Variants in RBFOX1 observed in about 807,000 individuals in gnomAD.
RBFOX1 encodes the protein RNA binding fox-1 homolog 1, also known as RNA binding protein fox-1 homolog 1.
A neutral mutation model predicts 57.7 loss-of-function variants in RBFOX1; 8 were observed. That is an observed-to-expected ratio of 0.14 (90% CI 0.08 to 0.25). The LOEUF (loss-of-function observed/expected upper bound fraction) is 0.25, where lower values mean the gene tolerates loss of function less well. Ranked by LOEUF, RBFOX1 falls within the 10% of genes least tolerant of loss-of-function variation. RBFOX1 has a pLI of 1.00. For missense variants in RBFOX1, 611 were observed against 548.5 expected, an observed-to-expected ratio of 1.11 and a Z score of -1.14; for synonymous variants, 326 against 222.4, an observed-to-expected ratio of 1.47 and a Z score of -4.15.
chr16:5,894,591 A>C (rs2152157580), intron 4 of RBFOX1, among the ~76,000 whole-genome samples: 1 of 152,300 alleles, frequency 6.6e-6, no homozygotes, highest in East Asian at 1.9e-4. Flanking sequence ...AACATTTTAA[A>C]GGAGTAGACA....
At chr16:6,387,584 A>G (rs2092365236) in intron 2 of RBFOX1, among the ~76,000 whole-genome samples, 1 of 152,206 alleles carries the variant, frequency 6.6e-6, no homozygotes. Flanking sequence ...CTCATAAAAC[A>G]GGCACCAGCT....
chr16:6,073,165 G>A (rs906398037), intron 1 of RBFOX1, among the ~76,000 whole-genome samples: 1 of 152,154 alleles, frequency 6.6e-6, no homozygotes, highest in Non-Finnish European at 1.5e-5. Flanking sequence ...TTGGCCACAA[G>A]TTGATAACTA....
chr16:7,212,796 C>G (rs983509805), intron 4 of RBFOX1, among the ~76,000 whole-genome samples: 1 of 152,134 alleles, frequency 6.6e-6, no homozygotes, highest in East Asian at 1.9e-4. Flanking sequence ...ATGTAACAAA[C>G]CTGCATGTTC....
intron 1 of RBFOX1, among the ~76,000 whole-genome samples, chr16:6,129,663 C>A (rs1409222984): frequency 6.9e-6 from 1 of 144,128 alleles, no homozygotes; most frequent in African/African-American, 2.6e-5. Context: ...ATTTACAGGT[C>A]CAAGAAGATT....
rs562296746 is a variant in RBFOX1 at position 5,947,209 on chromosome 16, C to A, written c.351+79874C>A. On this transcript the variant is annotated intron_variant, in intron 4 of 19. Transcript: ENST00000641259. This position sits in a 1 kb window ranked among gnomAD's most constrained non-coding sequence, Gnocchi z 7.2. ...CCAGCCTGGGTGGCAGAGTGAGACTCTGTCTCTAAAACAAAACAAACCAGA... is the reference window on the plus strand; with the variant it reads ...CCAGCCTGGGTGGCAGAGTGAGACTATGTCTCTAAAACAAAACAAACCAGA... 3.9e-5 allele frequency among the ~76,000 whole-genome samples: 6 copies of A among 152,264 alleles called. No individual in the cohort carries two copies. The East Asian group carries it at 1.2e-3, about 29-fold the overall frequency.
chr16:7,309,167 G>C lies in RBFOX1; in HGVS notation c.28-208980G>C, dbSNP rs562505810. On this transcript the variant is annotated intron_variant, in intron 4 of 15. Transcript: ENST00000550418. ...GTCTCTTTCTAGAGGGATGTCTTAC[G>C]TCGTAAATTGGTTAACCAATCTTTC... is the stretch of plus-strand genomic sequence containing the variant. Among the ~76,000 whole-genome samples, 3 of 152,296 alleles carry C rather than the reference G, an allele frequency of 2.0e-5. No homozygotes were observed. The East Asian group carries it at 5.8e-4, about 29-fold the overall frequency.
At chr16:6,356,051 A>C (rs1486842649) in intron 2 of RBFOX1, among the ~76,000 whole-genome samples, 1 of 152,260 alleles carries the variant, frequency 6.6e-6, no homozygotes, top group East Asian at 1.9e-4. Context: ...AATATTCATG[A>C]GTCAATAGTG....
At chr16:5,661,961 AT>A (rs890021618) in intron 3 of RBFOX1, among the ~76,000 whole-genome samples, 1 of 151,674 alleles carries the variant, frequency 6.6e-6, no homozygotes. Flanking sequence ...AATTTTTTGT[AT>A]TTTTTTAGTA....
intron 2 of RBFOX1, among the ~76,000 whole-genome samples, chr16:6,329,424 C>T (rs1368546848): frequency 6.6e-6 from 1 of 152,138 alleles, no homozygotes; most frequent in Non-Finnish European, 1.5e-5. Context: ...GTTTGAATTC[C>T]ACCCATCTCA....
intron 4 of RBFOX1, among the ~76,000 whole-genome samples, chr16:7,132,433 GACACACACACAC>G (rs36226659): frequency 0.14 from 20,714 of 144,744 alleles, 1,532 homozygotes; most frequent in African/African-American, 0.16. Context: ...GTGATACACA[GACACACACACAC>G]ACACACACAC....
At chr16:7,170,484 C>G (rs969478291) in intron 4 of RBFOX1, among the ~76,000 whole-genome samples, 5 of 152,042 alleles carry the variant, frequency 3.3e-5, no homozygotes, top group Admixed American at 2.0e-4. Context: ...GCGTGTTGCC[C>G]ATATTGGTCT....
At chr16:6,983,469 T>C (rs1335976556) in intron 3 of RBFOX1, among the ~76,000 whole-genome samples, 1 of 151,094 alleles carries the variant, frequency 6.6e-6, no homozygotes, top group Non-Finnish European at 1.5e-5. Context: ...TTTAATAGGA[T>C]TATGGAAGAT....
At chr16:7,375,777 C>G (rs1401424662) in intron 4 of RBFOX1, among the ~76,000 whole-genome samples, 1 of 152,130 alleles carries the variant, frequency 6.6e-6, no homozygotes, top group East Asian at 1.9e-4. Flanking sequence ...CCTACTCTCT[C>G]TCCCCCCATG....
chr16:6,935,673 C>T (rs374756145), intron 3 of RBFOX1, among the ~76,000 whole-genome samples: 1 of 152,182 alleles, frequency 6.6e-6, no homozygotes. Context: ...TGTAATGTGC[C>T]TTATTCAAAG....
intron 4 of RBFOX1, among the ~76,000 whole-genome samples, chr16:5,937,176 G>A (rs2059184109): frequency 6.6e-6 from 1 of 152,192 alleles, no homozygotes; most frequent in South Asian, 2.1e-4. Context: ...TTGGAATTGT[G>A]TTCTCTGGTC....
chr16:7,114,383 C>G (rs1222709688), intron 4 of RBFOX1, among the ~76,000 whole-genome samples: 1 of 151,930 alleles, frequency 6.6e-6, no homozygotes, highest in Non-Finnish European at 1.5e-5. Flanking sequence ...AAATTTATAC[C>G]CCTGGGAAGG....
intron 2 of RBFOX1, among the ~76,000 whole-genome samples, chr16:6,410,982 C>T (rs543410617): frequency 1.3e-5 from 2 of 152,232 alleles, no homozygotes; most frequent in African/African-American, 2.4e-5. Flanking sequence ...ACAATAACCC[C>T]GGGATGTAGT....
At chr16:7,585,383 T>G (rs765217217) in intron 6 of RBFOX1, among the ~76,000 whole-genome samples, 2 of 152,232 alleles carry the variant, frequency 1.3e-5, no homozygotes, top group Non-Finnish European at 2.9e-5. Context: ...GTCCACAGAT[T>G]GCAGGATGAG....
chr16:7,189,074 A>G (rs1038236415), intron 4 of RBFOX1, among the ~76,000 whole-genome samples: 1 of 151,388 alleles, frequency 6.6e-6, no homozygotes, highest in African/African-American at 2.4e-5. Context: ...TTCTCAATGG[A>G]TAGAATCCTC....
Sources: gnomAD v4.1 joint callset for allele counts (sites outside exome capture counted in the v4.1 genomes callset) on GRCh38, gnomAD v4.1.1 for gene constraint, Gnocchi (gnomAD v3.1) non-coding constraint, MANE v1.5 for transcripts, NCBI Gene and HGNC (gene_info 2026-07-23, HGNC 2026-07-21) for gene names.